The following RPS6KA6 variants were observed in gnomAD, a reference collection of about 807,000 sequenced individuals.
RPS6KA6 encodes ribosomal protein S6 kinase A6.
In RPS6KA6, 27 loss-of-function variants were observed where a neutral mutation model predicts 65.4. The observed-to-expected ratio is 0.41, with a 90% CI of 0.30 to 0.57. RPS6KA6 has a LOEUF of 0.57. RPS6KA6 is among the 20% of genes least tolerant of loss of function. The pLI, the probability that RPS6KA6 is intolerant of heterozygous loss-of-function variation, is 0.24. For synonymous variants in RPS6KA6, 190 were observed against 184.2 expected, an observed-to-expected ratio of 1.03 and a Z score of -0.26; for missense variants, 486 against 555.6, an observed-to-expected ratio of 0.87 and a Z score of 1.26.
chrX:84,093,381 CAGT>C (rs2034087454), intron 20 of RPS6KA6, among the ~76,000 whole-genome samples: 1 of 112,105 alleles, frequency 8.9e-6, no homozygotes, highest in African/African-American at 3.2e-5. Flanking sequence ...CAAATGTAAG[CAGT>C]AGAACTGTTA....
chrX:84,151,593 G>A (rs924096088), intron 3 of RPS6KA6, among the ~76,000 whole-genome samples: 1 of 110,912 alleles, frequency 9.0e-6, no homozygotes, highest in East Asian at 2.8e-4. Context: ...AAAAACAGTG[G>A]TTGGTTCAGC....
intron 2 of RPS6KA6, among the ~76,000 whole-genome samples, chrX:84,156,845 T>G (rs1335661883): frequency 1.8e-5 from 2 of 111,735 alleles, no homozygotes; most frequent in Non-Finnish European, 3.8e-5. Flanking sequence ...GATGACTACA[T>G]TCAAGTGAGC....
intron 1 of RPS6KA6, among the ~76,000 whole-genome samples, chrX:84,173,242 CTG>C (rs1375198501): frequency 3.6e-5 from 4 of 111,166 alleles, no homozygotes; most frequent in Admixed American, 1.9e-4. Flanking sequence ...AGGAATGATG[CTG>C]TGTTTCATTC....
intron 20 of RPS6KA6, among the ~76,000 whole-genome samples, chrX:84,066,956 C>T (rs1421107859): frequency 9.0e-6 from 1 of 111,717 alleles, no homozygotes; most frequent in Non-Finnish European, 1.9e-5. Context: ...TGTTCTGCAG[C>T]CTCCACTGGT....
chrX:84,164,105 T>C (rs2035559933), intron 2 of RPS6KA6, among the ~76,000 whole-genome samples: 1 of 112,067 alleles, frequency 8.9e-6, no homozygotes, highest in Admixed American at 9.5e-5. Context: ...GCATGTAAAT[T>C]ATGTCTCAAT....
At chrX:84,100,516 T>C (rs1370049449) in intron 18 of RPS6KA6, among the ~76,000 whole-genome samples, 2 of 111,334 alleles carry the variant, frequency 1.8e-5, no homozygotes, top group Non-Finnish European at 3.8e-5. Flanking sequence ...CAAGATTAAG[T>C]CAATATTAAA....
intron 8 of RPS6KA6, among the ~76,000 whole-genome samples, chrX:84,131,557 C>A (rs2034898343): frequency 9.0e-6 from 1 of 111,473 alleles, no homozygotes; most frequent in Non-Finnish European, 1.9e-5. Flanking sequence ...TTTGGCCATT[C>A]CAGAGAGAAG....
intron 12 of RPS6KA6, among the ~76,000 whole-genome samples, chrX:84,110,134 A>G (rs1348682322): frequency 2.7e-5 from 3 of 111,951 alleles, no homozygotes; most frequent in Non-Finnish European, 5.6e-5. Flanking sequence ...TTCTGTGGCT[A>G]TCAGCTATAC....
chrX:84,166,127 A>G (rs2035593481), intron 1 of RPS6KA6, among the ~76,000 whole-genome samples: 1 of 112,334 alleles, frequency 8.9e-6, no homozygotes, highest in Non-Finnish European at 1.9e-5. Context: ...ACATCCAATG[A>G]GTGGCACATG....
chrX:84,179,094 T>C (rs1468192741), intron 1 of RPS6KA6, among the ~76,000 whole-genome samples: 1 of 111,352 alleles, frequency 9.0e-6, no homozygotes, highest in Non-Finnish European at 1.9e-5. Flanking sequence ...ACTTGAACAA[T>C]TTCAAAAAAT....
intron 20 of RPS6KA6, among the ~76,000 whole-genome samples, chrX:84,066,316 G>T (rs906582544): frequency 1.9e-5 from 2 of 107,368 alleles, no homozygotes; most frequent in African/African-American, 6.8e-5. Context: ...GTCTTGCTCA[G>T]TGGGTCCCAC....
intron 1 of RPS6KA6, among the ~76,000 whole-genome samples, chrX:84,165,567 A>T (rs6616909): frequency 0.062 from 6,813 of 110,611 alleles, 227 homozygotes; most frequent in East Asian, 0.2. Flanking sequence ...TCCAAGAAAA[A>T]TCCCATTTTC....
At chrX:84,110,705 G>A (rs1199152782) in intron 12 of RPS6KA6, among the ~76,000 whole-genome samples, 1 of 111,221 alleles carries the variant, frequency 9.0e-6, no homozygotes, top group African/African-American at 3.3e-5. Context: ...GGTGAACCAC[G>A]TCCACATGAA....
At chrX:84,100,210 G>A (rs935249729) in intron 18 of RPS6KA6, among the ~76,000 whole-genome samples, 1 of 110,670 alleles carries the variant, frequency 9.0e-6, no homozygotes, top group African/African-American at 3.3e-5. Flanking sequence ...TCAAGCACTA[G>A]TTAGAGAGAA....
rs751572388 is a variant in RPS6KA6, at chrX:84,185,692, C to A, written c.81+2127G>T. Among the ~76,000 whole-genome samples the A allele has an allele frequency of 5.5e-4, 61 of 111,760 alleles. 1 individual carries two copies. In the South Asian group the frequency reaches 0.022, roughly 41 times the overall value. Reference sequence around the variant, plus strand: ...CTTTTGACATTAAAGTTAACAGATTCTTACCTACATTTTCTTTAAGGATTC... The same window carrying A: ...CTTTTGACATTAAAGTTAACAGATTATTACCTACATTTTCTTTAAGGATTC... On this transcript the variant is annotated intron_variant, in intron 1 of 21. Transcript: ENST00000262752.
chrX:84,131,621 A>G (rs753971431), intron 8 of RPS6KA6, among the ~76,000 whole-genome samples: 6 of 111,770 alleles, frequency 5.4e-5, no homozygotes, highest in Non-Finnish European at 1.1e-4. Context: ...ATTTATGCCA[A>G]TCCACAGAGT....
At chrX:84,108,260 C>T (rs2034400518) in intron 12 of RPS6KA6, among the ~76,000 whole-genome samples, 1 of 111,693 alleles carries the variant, frequency 9.0e-6, no homozygotes, top group South Asian at 3.7e-4. Context: ...TTTTAAAAAG[C>T]TTACAGTCCC....
intron 3 of RPS6KA6, among the ~76,000 whole-genome samples, 153 bp downstream of exon 3, chrX:84,155,922 C>A (rs190491665): frequency 5.8e-4 from 65 of 111,866 alleles, no homozygotes; most frequent in African/African-American, 2.0e-3. Flanking sequence ...AAAAGTACAA[C>A]AGAAATGAAA....
chrX:84,079,178 G>C (rs2075483014), intron 20 of RPS6KA6, among the ~76,000 whole-genome samples: 1 of 110,772 alleles, frequency 9.0e-6, no homozygotes, highest in Admixed American at 9.6e-5. Flanking sequence ...GCTGAAGGAG[G>C]GTGGGGCATC....
Sources: allele counts gnomAD v4.1 joint callset (sites outside exome capture counted in the v4.1 genomes callset), GRCh38; gene constraint gnomAD v4.1.1; transcripts MANE v1.5; gene names NCBI Gene and HGNC (gene_info 2026-07-23, HGNC 2026-07-21).